The following SNX18 variants were observed in gnomAD, a reference collection of about 807,000 sequenced individuals.
SNX18 encodes the protein sorting nexin-18.
A neutral mutation model predicts 48.7 loss-of-function variants in SNX18; 35 were observed. The ratio of observed to expected loss-of-function variants is 0.72; its 90% CI spans 0.55 to 0.95. The LOEUF (loss-of-function observed/expected upper bound fraction) is 0.95, where lower values mean the gene tolerates loss of function less well. SNX18 is among the 40% of genes least tolerant of loss of function. The pLI, the probability that SNX18 is intolerant of heterozygous loss-of-function variation, is 0.00. For synonymous variants in SNX18, 492 were observed against 384.7 expected, an observed-to-expected ratio of 1.28 and a Z score of -3.26; for missense variants, 824 against 871.0, an observed-to-expected ratio of 0.95 and a Z score of 0.68.
At chr5:54,549,391 TG>T (rs1419809738), downstream of SNX18, among the ~76,000 whole-genome samples, 2 of 152,200 alleles carry the variant, frequency 1.3e-5, no homozygotes, top group South Asian at 2.1e-4. Context: ...TTTGCCCACC[TG>T]GGTCACAGGA....
At chr5:54,597,916 C>CA in the SNX18 span, among the ~76,000 whole-genome samples, 14 of 130,588 alleles carry the variant, frequency 1.1e-4, no homozygotes, top group Admixed American at 2.3e-4. Context: ...TATAGAGACA[C>CA]AAAAAAACCC....
the SNX18 span, among the ~76,000 whole-genome samples, chr5:54,625,827 T>C: frequency 6.6e-6 from 1 of 152,176 alleles, no homozygotes; most frequent in African/African-American, 2.4e-5. Context: ...CCTGGAACTT[T>C]GGCTGAAACT....
chr5:54,571,500 G>GTCT, the SNX18 span, among the ~76,000 whole-genome samples: 1 of 152,190 alleles, frequency 6.6e-6, no homozygotes, highest in Admixed American at 6.5e-5. Context: ...GTTCTCTGAA[G>GTCT]TCTTCGTTCC....
At chr5:54,589,271 G>C in the SNX18 span, among the ~76,000 whole-genome samples, 3 of 151,976 alleles carry the variant, frequency 2.0e-5, no homozygotes, top group Non-Finnish European at 2.9e-5. Context: ...CGGCTCTCAG[G>C]GCAGCTGCCC....
chr5:54,531,212 G>C (rs1000858085), intron 1 of SNX18, among the ~76,000 whole-genome samples: 1 of 152,054 alleles, frequency 6.6e-6, no homozygotes, highest in African/African-American at 2.4e-5. Context: ...GAAAGGAACA[G>C]GTGAACTCGA....
the SNX18 span, among the ~76,000 whole-genome samples, chr5:54,603,386 T>C: frequency 6.6e-6 from 1 of 152,058 alleles, no homozygotes; most frequent in Non-Finnish European, 1.5e-5. Flanking sequence ...GACACAGGCA[T>C]GAGCCACAAT....
the SNX18 span, among the ~76,000 whole-genome samples, chr5:54,556,242 A>G: frequency 6.6e-6 from 1 of 152,236 alleles, no homozygotes; most frequent in Admixed American, 6.5e-5. Context: ...GCTTAAAACA[A>G]CACAGATTTA....
At chr5:54,528,189 G>C (rs1484194446) in intron 1 of SNX18, among the ~76,000 whole-genome samples, 1 of 151,646 alleles carries the variant, frequency 6.6e-6, no homozygotes, top group Non-Finnish European at 1.5e-5. Flanking sequence ...GTAAGTTTTA[G>C]TTATAACATG....
the SNX18 span, among the ~76,000 whole-genome samples, chr5:54,636,538 A>G: frequency 6.6e-6 from 1 of 152,174 alleles, no homozygotes; most frequent in Non-Finnish European, 1.5e-5. Flanking sequence ...TACGTTGTTC[A>G]TGCCTGAGCC....
At chr5:54,619,794 G>A in the SNX18 span, among the ~76,000 whole-genome samples, 57 of 152,250 alleles carry the variant, frequency 3.7e-4, no homozygotes, top group Admixed American at 7.2e-4. Flanking sequence ...AAGGGAAAGA[G>A]CAAGCAGGAG....
the SNX18 span, among the ~76,000 whole-genome samples, chr5:54,556,248 A>AT: frequency 1.2e-4 from 18 of 152,324 alleles, no homozygotes; most frequent in South Asian, 3.7e-3. Flanking sequence ...AACAACACAG[A>AT]TTTATTACCT....
intron 1 of SNX18, among the ~76,000 whole-genome samples, chr5:54,540,997 C>G (rs1762458050): frequency 6.6e-6 from 1 of 151,922 alleles, no homozygotes; most frequent in Non-Finnish European, 1.5e-5. Flanking sequence ...TTAGTTTTAC[C>G]TGTTACACTT....
the SNX18 span, among the ~76,000 whole-genome samples, chr5:54,626,770 G>A: frequency 6.6e-6 from 1 of 152,220 alleles, no homozygotes; most frequent in East Asian, 1.9e-4. Flanking sequence ...CAAAATGTCA[G>A]TAGTGCTAAG....
chr5:54,575,941 G>A, the SNX18 span, among the ~76,000 whole-genome samples: 1 of 152,128 alleles, frequency 6.6e-6, no homozygotes, highest in African/African-American at 2.4e-5. Context: ...TTGTCTAAAA[G>A]GCATACAAGC....
chr5:54,517,778 A>G lies in SNX18; in HGVS notation c.-175A>G, dbSNP rs963360601. ...CGCGGCAGTCGGCGCTGCGAAGTGG[A>G]GGCGCTGCGAGCGGAGCCGCGCGGA... On this transcript the variant is annotated 5_prime_UTR_variant, in exon 1 of 2. Transcript: ENST00000381410. 10 of 487,408 alleles carry G rather than the reference A, an allele frequency of 2.1e-5. No homozygotes were observed. The highest frequency in any genetic ancestry group is 4.2e-5 in the East Asian group (1 of 23,584). The allele number at this position is 487,408 out of a possible 1,614,324, so 30.2% of individuals were successfully genotyped here. A position where few individuals can be genotyped will look rare whatever the true frequency, so the allele number is the denominator to read the frequency against.
the SNX18 span, among the ~76,000 whole-genome samples, chr5:54,640,500 A>T: frequency 6.6e-6 from 1 of 152,172 alleles, no homozygotes; most frequent in Non-Finnish European, 1.5e-5. Context: ...TGGGATTACA[A>T]GGCATCAGCC....
chr5:54,634,521 T>A, the SNX18 span, among the ~76,000 whole-genome samples: 1 of 152,132 alleles, frequency 6.6e-6, no homozygotes, highest in South Asian at 2.1e-4. Flanking sequence ...CATTACGAAA[T>A]TTTTTTGCGA....
the SNX18 span, among the ~76,000 whole-genome samples, chr5:54,576,673 A>C: frequency 1.3e-5 from 2 of 152,208 alleles, no homozygotes; most frequent in Non-Finnish European, 2.9e-5. Context: ...TGTGAACTTC[A>C]AGGCATGGCT....
In SNX18 at chr5:54,518,019, G is replaced by C; in HGVS notation, c.67G>C (p.Glu23Gln). ...GAACCCAGGAGAGATCTCGCTGCGA[G>C]AGCACGAGGTGCTGAGCCTGTGCAG... ...SENPGEISLR[E>Q]HEVLSLCSEQ... The change falls in exon 1 of 2, where the codon GAG becomes CAG. Residue 23 changes from glutamate to glutamine, a missense_variant. Coordinates refer to ENST00000381410, the MANE Select transcript of SNX18 (RefSeq NM_001102575.2). The C allele has an allele frequency of 3.2e-6, 5 of 1,548,956 alleles. No homozygotes were observed. The highest frequency in any genetic ancestry group is 4.3e-6 in the Non-Finnish European group (5 of 1,150,578).
Sources: gnomAD v4.1 joint callset for allele counts (sites outside exome capture counted in the v4.1 genomes callset) on GRCh38, gnomAD v4.1.1 for gene constraint, MANE v1.5 for transcripts, NCBI Gene and HGNC (gene_info 2026-07-23, HGNC 2026-07-21) for gene names.